The following MYOCOS variants were observed in gnomAD, a reference collection of about 807,000 sequenced individuals.
The protein encoded by MYOCOS is myocilin opposite strand, also known as myocilin opposite strand protein.
intron 2 of MYOCOS, among the ~76,000 whole-genome samples, chr1:171,624,496 G>C (rs867476171): frequency 6.6e-6 from 1 of 151,384 alleles, no homozygotes; most frequent in Non-Finnish European, 1.5e-5. Context: ...GCCCAGGCTG[G>C]AGCAATCTTG....
intron 1 of MYOCOS, among the ~76,000 whole-genome samples, chr1:171,601,468 C>T (rs559599588): frequency 8.0e-5 from 12 of 149,316 alleles, no homozygotes; most frequent in South Asian, 2.1e-4. Flanking sequence ...GTAGTGTGAG[C>T]GTGGTATTTT....
chr1:171,624,005 C>G, intron 2 of MYOCOS, 27 bp downstream of exon 2: 1 of 398,588 alleles, frequency 2.5e-6, no homozygotes, highest in South Asian at 1.3e-4. Flanking sequence ...CTCTGGATCG[C>G]TTGTGGGGTT....
upstream of MYOCOS, among the ~76,000 whole-genome samples, chr1:171,618,473 T>C (rs888259437): frequency 6.6e-5 from 10 of 152,372 alleles, no homozygotes; most frequent in Admixed American, 2.6e-4. Flanking sequence ...AGTTCCTACA[T>C]GTGCCTTTGG....
chr1:171,615,450 C>T (rs538903305), intron 2 of MYOCOS, among the ~76,000 whole-genome samples: 1 of 152,292 alleles, frequency 6.6e-6, no homozygotes, highest in Admixed American at 6.5e-5. Context: ...GAGAGAGTCC[C>T]TCTCATATTG....
chr1:171,624,594 G>A (rs1220990696), intron 2 of MYOCOS, among the ~76,000 whole-genome samples: 5 of 151,878 alleles, frequency 3.3e-5, no homozygotes, highest in African/African-American at 1.2e-4. Context: ...CCGCCACGAC[G>A]CCCGGCTAAT....
chr1:171,626,743 T>C lies in MYOCOS; in HGVS notation c.*142T>C, dbSNP rs1275473361. The C allele has an allele frequency of 7.6e-6, 3 of 396,730 alleles. No individual in the cohort carries two copies. The Admixed American group carries it at 1.3e-4, about 17-fold the overall frequency. The allele number at this position is 396,730 out of a possible 1,614,324, so 24.6% of individuals were successfully genotyped here. ...CTTCACCTAGAACCACCATAGAGCATGGTTTACCCTTGCTAATAGACTTAG... is the reference window on the plus strand; with the variant it reads ...CTTCACCTAGAACCACCATAGAGCACGGTTTACCCTTGCTAATAGACTTAG... On this transcript the variant is annotated 3_prime_UTR_variant, in exon 3 of 3. Coordinates refer to ENST00000637642, the MANE Select transcript of MYOCOS (RefSeq NM_001391940.1).
At chr1:171,623,695 G>T in intron 1 of MYOCOS, 146 bp from the exon 2 acceptor site, 1 of 394,400 alleles carries the variant, frequency 2.5e-6, no homozygotes, top group Non-Finnish European at 4.5e-6. Context: ...ACCTTGGGGG[G>T]AAGGGGGATG....
upstream of MYOCOS, among the ~76,000 whole-genome samples, chr1:171,620,769 C>CTTTTT (rs201016150): frequency 1.0e-4 from 11 of 108,174 alleles, no homozygotes; most frequent in African/African-American, 4.1e-4. Context: ...CTTTCTTTTT[C>CTTTTT]TTTCTTTTTT....
chr1:171,623,445 G>A (rs977707169), intron 1 of MYOCOS, among the ~76,000 whole-genome samples: 1 of 152,094 alleles, frequency 6.6e-6, no homozygotes, highest in Non-Finnish European at 1.5e-5. Flanking sequence ...GTGAGAAAAG[G>A]GCTCCTCTGG....
intron 1 of MYOCOS, among the ~76,000 whole-genome samples, chr1:171,613,749 T>TGG (rs1328577356): frequency 1.3e-5 from 2 of 152,294 alleles, no homozygotes. Flanking sequence ...GGTCTCACTA[T>TGG]GTTGCCCCGG....
chr1:171,616,181 C>A (rs1652447462), intron 2 of MYOCOS, among the ~76,000 whole-genome samples: 2 of 152,160 alleles, frequency 1.3e-5, no homozygotes, highest in Admixed American at 6.5e-5. Flanking sequence ...CGTGCCACTG[C>A]ACTCCAGCCT....
intron 1 of MYOCOS, among the ~76,000 whole-genome samples, chr1:171,605,132 GTCACT>G (rs1409001644): frequency 6.6e-6 from 1 of 151,272 alleles, no homozygotes; most frequent in African/African-American, 2.4e-5. Context: ...GTCTCTAAAT[GTCACT>G]TCATGTTACG....
exon 1 of MYOCOS, chr1:171,601,033 AG>A (rs1272140655): frequency 2.0e-5 from 3 of 152,336 alleles, no homozygotes; most frequent in Non-Finnish European, 2.9e-5. Flanking sequence ...GCATCCCTGC[AG>A]GGGACTCCAG....
At chr1:171,602,662 G>T (rs1652166032) in intron 1 of MYOCOS, among the ~76,000 whole-genome samples, 1 of 151,984 alleles carries the variant, frequency 6.6e-6, no homozygotes. Flanking sequence ...TGTCTACAAG[G>T]TTTTATTAAA....
At chr1:171,621,858 C>T (rs235850), upstream of MYOCOS, among the ~76,000 whole-genome samples, 25,904 of 151,966 alleles carry the variant, frequency 0.17, 2,415 homozygotes, top group Middle Eastern at 0.32. Context: ...AGTAATAATA[C>T]ATTTTAAAAA....
intron 2 of MYOCOS, among the ~76,000 whole-genome samples, chr1:171,625,524 T>G (rs1324240102): frequency 6.6e-6 from 1 of 152,244 alleles, no homozygotes; most frequent in Admixed American, 6.5e-5. Flanking sequence ...TGGAACATAG[T>G]AAATGTTCAG....
At chr1:171,614,739 G>A (rs1348088100) in intron 1 of MYOCOS, 2 of 152,212 alleles carry the variant, frequency 1.3e-5, no homozygotes, top group Admixed American at 6.5e-5. Flanking sequence ...TATTTTAGGT[G>A]TTGAGATACG....
In MYOCOS at chr1:171,605,392, CACAAAAAA is replaced by C. The variant is rs1033804083; in HGVS notation, c.-252+4314_-252+4321del. Among the ~76,000 whole-genome samples the C allele has an allele frequency of 6.4e-4, 80 of 124,080 alleles. 1 individual carries two copies. Among genetic ancestry groups the C allele is most frequent in the African/African-American group, 3.5e-3 (78 of 22,224 alleles). 81.4% of individuals were successfully genotyped at this position (124,080 alleles called of 152,430 possible). A position where few individuals can be genotyped will look rare whatever the true frequency, so the allele number is the denominator to read the frequency against. ...ATAGTACCACACACACACACACACACACAAAAAAAAAAAAACAGTTACATGATAAAGTT... is the reference window on the plus strand; with the variant it reads ...ATAGTACCACACACACACACACACACAAAAAAACAGTTACATGATAAAGTT... On this transcript the variant is annotated intron_variant, in intron 1 of 3. Coordinates refer to the MYOCOS transcript ENST00000636697.
chr1:171,607,026 A>G (rs1053797200), intron 1 of MYOCOS, among the ~76,000 whole-genome samples: 1 of 149,622 alleles, frequency 6.7e-6, no homozygotes, highest in African/African-American at 2.5e-5. Context: ...CCTGGGAGGC[A>G]GAGGTTGCAC....
Sources: gnomAD v4.1 joint callset for allele counts (sites outside exome capture counted in the v4.1 genomes callset) on GRCh38, gnomAD v4.1.1 for gene constraint, MANE v1.5 for transcripts, NCBI Gene and HGNC (gene_info 2026-07-23, HGNC 2026-07-21) for gene names.